Variants in GPAT4 observed in about 807,000 individuals in gnomAD.
GPAT4 encodes glycerol-3-phosphate acyltransferase 4, also known as 1-AGP acyltransferase 6.
A neutral mutation model predicts 58.0 loss-of-function variants in GPAT4; 17 were observed. That is an observed-to-expected ratio of 0.29 (90% CI 0.20 to 0.44). GPAT4 has a LOEUF of 0.44. GPAT4 is among the 20% of genes least tolerant of loss of function. GPAT4 has a pLI of 1.00. For synonymous variants in GPAT4, 204 were observed against 210.1 expected (o/e 0.97, Z 0.25); for missense variants, 377 against 574.5 (o/e 0.66, Z 3.51).
chr8:41,615,470 C>G (rs1803571848), intron 10 of GPAT4, among the ~76,000 whole-genome samples: 1 of 151,884 alleles, frequency 6.6e-6, no homozygotes, highest in Non-Finnish European at 1.5e-5. Context: ...GGTCATTACT[C>G]CAGCCCAGTG....
chr8:41,588,900 G>A (rs1419302406), intron 1 of GPAT4, among the ~76,000 whole-genome samples: 1 of 152,186 alleles, frequency 6.6e-6, no homozygotes, highest in East Asian at 1.9e-4. Context: ...TTGGCCTGTG[G>A]GGGAACGTTG....
At chr8:41,609,326 T>C in intron 2 of GPAT4, 90 bp from the exon 3 acceptor site, 1 of 1,352,652 alleles carries the variant, frequency 7.4e-7, no homozygotes, top group Non-Finnish European at 1.0e-6. Flanking sequence ...TGACTGGGAC[T>C]GAGGCTTTCA....
intron 2 of GPAT4, among the ~76,000 whole-genome samples, chr8:41,602,140 AGACAGGGTTTC>A (rs1392065909): frequency 6.6e-6 from 1 of 152,124 alleles, no homozygotes; most frequent in African/African-American, 2.4e-5. Context: ...TTTTTAGTAA[AGACAGGGTTTC>A]GCCATGTTGC....
chr8:41,618,445 T>G, intron 10 of GPAT4: 1 of 563,684 alleles, frequency 1.8e-6, no homozygotes, highest in East Asian at 3.0e-5. Context: ...TGAGGCAGGC[T>G]GTCAGGGGAG....
intron 1 of GPAT4, among the ~76,000 whole-genome samples, chr8:41,595,919 G>T (rs1295029887): frequency 1.3e-5 from 2 of 152,038 alleles, no homozygotes; most frequent in Admixed American, 1.3e-4. Context: ...CTGTGGCGGG[G>T]CAGGGGTGGG....
rs374551045 is a variant in GPAT4 at position 41,596,889 on chromosome 8, C to T, written c.-848-1403C>T. On this transcript the variant is annotated intron_variant, in intron 1 of 12. Coordinates refer to ENST00000396987, the MANE Select transcript of GPAT4 (RefSeq NM_178819.4). ...AACCGAGCTCCCCGAGTAAGCAATT[C>T]CTGTCCCTTTTAAGGGCTTACAACT... 2.0e-5 allele frequency among the ~76,000 whole-genome samples: 3 copies of T among 152,312 alleles called. No homozygotes were observed. The South Asian group carries it at 6.2e-4, about 32-fold the overall frequency.
chr8:41,606,561 A>G (rs1352672954), intron 2 of GPAT4, among the ~76,000 whole-genome samples: 1 of 152,230 alleles, frequency 6.6e-6, no homozygotes, highest in Non-Finnish European at 1.5e-5. Flanking sequence ...TCTCAAAAGC[A>G]GATTAATAAA....
At chr8:41,578,806 C>T (rs779194345) in intron 1 of GPAT4, among the ~76,000 whole-genome samples, 4 of 152,194 alleles carry the variant, frequency 2.6e-5, no homozygotes, top group African/African-American at 4.8e-5. Context: ...ATTTCAGCAC[C>T]CTCTGAGGCA....
chr8:41,588,795 A>G (rs975015502), intron 1 of GPAT4, among the ~76,000 whole-genome samples: 13 of 152,174 alleles, frequency 8.5e-5, no homozygotes, highest in East Asian at 5.8e-4. Flanking sequence ...TGGGTTGAAG[A>G]GTTAGGTTAG....
At chr8:41,593,765 T>G (rs1461147465) in intron 1 of GPAT4, among the ~76,000 whole-genome samples, 20 of 152,238 alleles carry the variant, frequency 1.3e-4, no homozygotes. Context: ...GTGGTACATG[T>G]GCTAAAAGAC....
intron 1 of GPAT4, among the ~76,000 whole-genome samples, chr8:41,582,317 G>A (rs765840181): frequency 8.5e-5 from 13 of 152,120 alleles, no homozygotes; most frequent in Non-Finnish European, 1.8e-4. Flanking sequence ...GCTGAATGAT[G>A]TATTCAGGGA....
chr8:41,599,629 G>A lies in GPAT4; in HGVS notation c.165+325G>A, dbSNP rs149398726. ...ACTGATGCCATAGCTCGAAGCTGCT[G>A]CAGGCATATTCCCTCACTGAGAAGC... On this transcript the variant is annotated intron_variant, in intron 2 of 12. Coordinates refer to ENST00000396987, the MANE Select transcript of GPAT4 (RefSeq NM_178819.4). 8.9e-4 allele frequency among the ~76,000 whole-genome samples: 135 copies of A among 152,332 alleles called. 1 individual carries two copies. The East Asian group carries it at 0.021, about 24-fold the overall frequency.
At chr8:41,617,829 G>A (rs1388608774) in intron 10 of GPAT4, among the ~76,000 whole-genome samples, 1 of 152,202 alleles carries the variant, frequency 6.6e-6, no homozygotes, top group Non-Finnish European at 1.5e-5. Context: ...CTTGTGTACA[G>A]GATCCCTTCA....
intron 4 of GPAT4, chr8:41,610,244 T>C (rs1045221467): frequency 1.5e-6 from 2 of 1,290,794 alleles, no homozygotes; most frequent in African/African-American, 3.0e-5. Flanking sequence ...CACTCCTTCC[T>C]GGACATGGCT....
chr8:41,610,642 G>T, intron 4 of GPAT4, 94 bp from the exon 5 acceptor site: 1 of 1,572,812 alleles, frequency 6.4e-7, no homozygotes, highest in Admixed American at 1.9e-5. Flanking sequence ...CTTGGGGGTG[G>T]TTTTTGTGAT....
intron 1 of GPAT4, among the ~76,000 whole-genome samples, chr8:41,578,766 A>G (rs1452519365): frequency 1.3e-5 from 2 of 151,790 alleles, no homozygotes; most frequent in Admixed American, 1.3e-4. Context: ...GGATTTCTTA[A>G]CTCCTGAAAT....
intron 10 of GPAT4, among the ~76,000 whole-genome samples, chr8:41,617,263 C>G (rs979401565): frequency 6.6e-6 from 1 of 152,052 alleles, no homozygotes; most frequent in Non-Finnish European, 1.5e-5. Flanking sequence ...ACTCGGGAGG[C>G]TGGGGCAGGA....
chr8:41,613,213 A>C (rs1327571821), intron 8 of GPAT4, among the ~76,000 whole-genome samples: 1 of 152,096 alleles, frequency 6.6e-6, no homozygotes, highest in Non-Finnish European at 1.5e-5. Flanking sequence ...CCTGACCAAC[A>C]TGGTGAAAAT....
chr8:41,611,845 C>T, intron 5 of GPAT4, 58 bp from the exon 6 acceptor site: 1 of 1,531,750 alleles, frequency 6.5e-7, no homozygotes, highest in Non-Finnish European at 9.0e-7. Context: ...AAGTCAGTAA[C>T]TCTTTCTGTC....
Sources: gnomAD v4.1 joint callset for allele counts (sites outside exome capture counted in the v4.1 genomes callset) on GRCh38, gnomAD v4.1.1 for gene constraint, MANE v1.5 for transcripts, NCBI Gene and HGNC (gene_info 2026-07-23, HGNC 2026-07-21) for gene names.